Variants in ABTB3 observed in about 807,000 individuals in gnomAD.
ABTB3 encodes the protein ankyrin repeat- and BTB/POZ domain-containing protein 3.
At chr12:107,545,866 C>T in the ABTB3 span, among the ~76,000 whole-genome samples, 9 of 152,298 alleles carry the variant, frequency 5.9e-5, no homozygotes, top group Admixed American at 3.3e-4. Context: ...AACAGCCTGT[C>T]CAGCCGTGCA....
the ABTB3 span, chr12:107,642,194 C>A: frequency 6.2e-7 from 1 of 1,608,444 alleles, no homozygotes; most frequent in Non-Finnish European, 8.5e-7. Context: ...TGTGGCCTGG[C>A]CTCTGTGCTG....
the ABTB3 span, among the ~76,000 whole-genome samples, chr12:107,407,749 A>G: frequency 6.6e-6 from 1 of 152,178 alleles, no homozygotes; most frequent in East Asian, 1.9e-4. Context: ...AATAGGATCT[A>G]TTGGGCCTCC....
the ABTB3 span, among the ~76,000 whole-genome samples, chr12:107,463,407 CA>C: frequency 2.0e-5 from 3 of 152,082 alleles, no homozygotes; most frequent in Non-Finnish European, 4.4e-5. Context: ...ACCTGATGAA[CA>C]CTGACAATGT....
the ABTB3 span, among the ~76,000 whole-genome samples, chr12:107,648,397 C>CACACACACACACACACAA: frequency 1.0e-3 from 147 of 145,078 alleles, no homozygotes; most frequent in African/African-American, 4.0e-3. Flanking sequence ...CACACACACA[C>CACACACACACACACACAA]ACACACACAC....
chr12:107,561,773 C>T, the ABTB3 span, among the ~76,000 whole-genome samples: 3 of 152,128 alleles, frequency 2.0e-5, no homozygotes, highest in Non-Finnish European at 4.4e-5. Flanking sequence ...TCCTCTTACT[C>T]CCCCCTCTTA....
At chr12:107,419,233 C>T in the ABTB3 span, among the ~76,000 whole-genome samples, 1 of 152,246 alleles carries the variant, frequency 6.6e-6, no homozygotes, top group African/African-American at 2.4e-5. Flanking sequence ...GTGCAGTGGC[C>T]TGTGGCCTAT....
chr12:107,323,376 A>C, the ABTB3 span, among the ~76,000 whole-genome samples: 1 of 152,244 alleles, frequency 6.6e-6, no homozygotes, highest in South Asian at 2.1e-4. Context: ...GAAACTAGTC[A>C]CATGGGACTG....
the ABTB3 span, among the ~76,000 whole-genome samples, chr12:107,365,534 C>G: frequency 6.6e-6 from 1 of 152,156 alleles, no homozygotes; most frequent in African/African-American, 2.4e-5. Flanking sequence ...CTCTTCCCTG[C>G]CTCCCAAGTT....
the ABTB3 span, among the ~76,000 whole-genome samples, chr12:107,640,765 A>G: frequency 6.6e-6 from 1 of 152,252 alleles, no homozygotes; most frequent in Non-Finnish European, 1.5e-5. Context: ...GGCATAAGCC[A>G]CTGAAATTCA....
the ABTB3 span, among the ~76,000 whole-genome samples, chr12:107,539,755 A>C: frequency 6.6e-6 from 1 of 152,186 alleles, no homozygotes; most frequent in Non-Finnish European, 1.5e-5. Flanking sequence ...TTTTGCACTT[A>C]ACCCTCATAA....
the ABTB3 span, among the ~76,000 whole-genome samples, chr12:107,464,335 G>C: frequency 6.6e-6 from 1 of 151,730 alleles, no homozygotes; most frequent in Non-Finnish European, 1.5e-5. Flanking sequence ...TTTTGAGACA[G>C]GGTTTCACTC....
chr12:107,413,441 G>A, the ABTB3 span, among the ~76,000 whole-genome samples: 1 of 152,126 alleles, frequency 6.6e-6, no homozygotes, highest in Non-Finnish European at 1.5e-5. Context: ...CACGCTTACT[G>A]TTGGATATTA....
At chr12:107,457,849 A>G in the ABTB3 span, among the ~76,000 whole-genome samples, 1 of 152,236 alleles carries the variant, frequency 6.6e-6, no homozygotes, top group South Asian at 2.1e-4. Flanking sequence ...AGGACATTAC[A>G]GTAAGAATGG....
the ABTB3 span, among the ~76,000 whole-genome samples, chr12:107,586,622 G>A: frequency 6.6e-6 from 1 of 152,160 alleles, no homozygotes; most frequent in Non-Finnish European, 1.5e-5. Context: ...CCAGAAAACA[G>A]AGAAACTGCC....
At chr12:107,470,852 G>A in the ABTB3 span, among the ~76,000 whole-genome samples, 2 of 152,156 alleles carry the variant, frequency 1.3e-5, no homozygotes, top group Non-Finnish European at 1.5e-5. Flanking sequence ...TGGAAAGCTG[G>A]GGCCAGCCCG....
At chr12:107,645,500 CA>C in the ABTB3 span, among the ~76,000 whole-genome samples, 1 of 148,556 alleles carries the variant, frequency 6.7e-6, no homozygotes, top group South Asian at 2.2e-4. Flanking sequence ...GGCTGACTCC[CA>C]GACCTGTTCT....
the ABTB3 span, among the ~76,000 whole-genome samples, chr12:107,625,091 A>G: frequency 6.6e-6 from 1 of 152,228 alleles, no homozygotes; most frequent in Admixed American, 6.5e-5. Flanking sequence ...AATGATGTTG[A>G]ATATATTTTC....
chr12:107,422,447 G>T, the ABTB3 span, among the ~76,000 whole-genome samples: 1 of 152,176 alleles, frequency 6.6e-6, no homozygotes, highest in East Asian at 1.9e-4. Context: ...GCAGAAGAGT[G>T]ACATGGTCTG....
the ABTB3 span, among the ~76,000 whole-genome samples, chr12:107,603,936 G>A: frequency 2.6e-5 from 4 of 152,296 alleles, no homozygotes; most frequent in South Asian, 2.1e-4. Context: ...TTGGGAGGCT[G>A]AGGCAGGCGG....
Sources: allele counts gnomAD v4.1 joint callset (sites outside exome capture counted in the v4.1 genomes callset), GRCh38; gene constraint gnomAD v4.1.1; transcripts MANE v1.5; gene names NCBI Gene and HGNC (gene_info 2026-07-23, HGNC 2026-07-21).